Variants in CNNM2 observed in about 807,000 individuals in gnomAD.
CNNM2 encodes the protein cyclin and CBS domain divalent metal cation transport mediator 2.
CNNM2 carries 12 observed loss-of-function variants against 66.9 expected under a neutral mutation model. The ratio of observed to expected loss-of-function variants is 0.18; its 90% CI spans 0.11 to 0.29. CNNM2 has a LOEUF of 0.29. Among genes scored for constraint, CNNM2 ranks in the 10% least tolerant of loss-of-function variants. CNNM2 has a pLI of 1.00. For synonymous variants in CNNM2, 557 were observed against 501.8 expected (o/e 1.11, Z -1.47); for missense variants, 705 against 1,167.7 (o/e 0.60, Z 5.77).
chr10:102,994,732 G>A (rs1296419564), intron 1 of CNNM2, among the ~76,000 whole-genome samples: 2 of 152,220 alleles, frequency 1.3e-5, no homozygotes, highest in South Asian at 2.1e-4. Context: ...TCTGATACCC[G>A]TGACACTAGT....
chr10:103,065,005 C>G (rs1285757838), intron 4 of CNNM2, among the ~76,000 whole-genome samples: 1 of 152,182 alleles, frequency 6.6e-6, no homozygotes, highest in East Asian at 1.9e-4. Flanking sequence ...ATCCACCCCG[C>G]AGCAGTGAAT....
intron 2 of CNNM2, among the ~76,000 whole-genome samples, chr10:103,052,031 C>G (rs2065221465): frequency 6.6e-6 from 1 of 151,926 alleles, no homozygotes; most frequent in Admixed American, 6.6e-5. Context: ...AATCCCAGCA[C>G]TTTGGGAGGG....
rs539270022 is a variant in CNNM2, at chr10:103,014,021, G to A, written c.1622-35686G>A. 4.6e-5 allele frequency among the ~76,000 whole-genome samples: 7 copies of A among 152,256 alleles called. No homozygotes were observed. In the South Asian group the frequency reaches 1.4e-3, roughly 32 times the overall value. On this transcript the variant is annotated intron_variant, in intron 1 of 7. Coordinates refer to ENST00000369878, the MANE Select transcript of CNNM2 (RefSeq NM_017649.5). ...GAGTAAGTAAGAACCATTCCAAATT[G>A]TAAGAAACAGTATTTTCTGACTGTA...
chr10:102,994,347 A>G (rs906565320), intron 1 of CNNM2, among the ~76,000 whole-genome samples: 8 of 152,244 alleles, frequency 5.3e-5, no homozygotes, highest in African/African-American at 1.9e-4. Flanking sequence ...TTAAACACCA[A>G]CAAAATTGCC....
intron 2 of CNNM2, among the ~76,000 whole-genome samples, chr10:103,053,589 G>A (rs1016384726): frequency 1.3e-5 from 2 of 152,212 alleles, no homozygotes; most frequent in African/African-American, 4.8e-5. Context: ...TCAAATTGCA[G>A]TGTTCATAAA....
chr10:102,919,382 AC>A lies in CNNM2; in HGVS notation c.903del (p.Tyr301Ter). 1 of 1,612,216 alleles carries A rather than the reference AC, an allele frequency of 6.2e-7. No individual in the cohort carries two copies. The highest frequency in any genetic ancestry group is 8.5e-7 in the Non-Finnish European group (1 of 1,180,042). On this transcript the variant is annotated frameshift_variant, in exon 1 of 8. Transcript: ENST00000369878. LOFTEE classifies it high-confidence loss of function. ...QNCGTEKEKN[Y>X]AKRIEPVRRQ... ...TGCGGCACGGAGAAGGAGAAGAATTACGCCAAGCGCATCGAGCCGGTGCGCA... is the reference window on the plus strand; with the variant it reads ...TGCGGCACGGAGAAGGAGAAGAATTAGCCAAGCGCATCGAGCCGGTGCGCA...
chr10:102,998,464 A>G (rs1014853556), intron 1 of CNNM2, among the ~76,000 whole-genome samples: 3 of 152,366 alleles, frequency 2.0e-5, no homozygotes, highest in South Asian at 2.1e-4. Context: ...TCCTTCACGT[A>G]TATATGCGAA....
At chr10:102,995,841 C>G (rs535892332) in intron 1 of CNNM2, among the ~76,000 whole-genome samples, 31 of 152,010 alleles carry the variant, frequency 2.0e-4, no homozygotes, top group Admixed American at 7.9e-4. Context: ...GCCGGGAGTA[C>G]AGGCATGCAC....
rs2065789370 is a variant in CNNM2, at chr10:103,084,885, AAT to A, written c.*7706_*7707del. The A allele has an allele frequency of 5.3e-5, 8 of 152,180 alleles. No individual in the cohort carries two copies. Among genetic ancestry groups the A allele is most frequent in the Admixed American group, 5.2e-4 (8 of 15,280 alleles). 9.4% of individuals were successfully genotyped at this position (152,180 alleles called of 1,614,324 possible). Reference sequence around the variant, plus strand: ...AACTTATTTTATACTTTTTGAAGGTAATTTAAAAGAGATGATTCTTTATTAAA... The same window carrying A: ...AACTTATTTTATACTTTTTGAAGGTATTAAAAGAGATGATTCTTTATTAAA... On this transcript the variant is annotated 3_prime_UTR_variant, in exon 8 of 8. Coordinates refer to ENST00000369878, the MANE Select transcript of CNNM2 (RefSeq NM_017649.5).
chr10:102,946,681 G>A lies in CNNM2; in HGVS notation c.1621+26580G>A, dbSNP rs1413798930. The stretch of plus-strand genomic sequence containing the variant: ...GAAGTACATTAATAATTGAACACCC[G>A]TGAGGTGTTACTGCTTCTGTTCTGC... On this transcript the variant is annotated intron_variant, in intron 1 of 7. Transcript: ENST00000369878. Among the ~76,000 whole-genome samples, 7 of 152,152 alleles carry A rather than the reference G, an allele frequency of 4.6e-5. 1 individual carries two copies. Among genetic ancestry groups the A allele is most frequent in the Non-Finnish European group, 8.8e-5 (6 of 68,038 alleles).
intron 1 of CNNM2, among the ~76,000 whole-genome samples, chr10:103,005,603 C>T (rs374919699): frequency 5.9e-5 from 9 of 151,992 alleles, no homozygotes; most frequent in Admixed American, 1.3e-4. Context: ...GAGCTGAGAC[C>T]GCACCACTGC....
In CNNM2 at chr10:102,959,533, G is replaced by A. The variant is rs76892505; in HGVS notation, c.1621+39432G>A. Among the ~76,000 whole-genome samples, 11,630 of 152,240 alleles carry A rather than the reference G, an allele frequency of 0.076. 531 individuals carry two copies. The highest frequency in any genetic ancestry group is 0.17 in the Middle Eastern group (49 of 294). ...TTTGCTTAATAGCTGCATAACACCAGGAAAGTTACTTTAGCTTATCTGTAA... is the reference window on the plus strand; with the variant it reads ...TTTGCTTAATAGCTGCATAACACCAAGAAAGTTACTTTAGCTTATCTGTAA... On this transcript the variant is annotated intron_variant, in intron 1 of 7. Coordinates refer to ENST00000369878, the MANE Select transcript of CNNM2 (RefSeq NM_017649.5).
In CNNM2 at chr10:103,009,698, A is replaced by G. The variant is rs796836216; in HGVS notation, c.1622-40009A>G. Among the ~76,000 whole-genome samples the G allele has an allele frequency of 1.2e-3, 157 of 126,334 alleles. 1 individual carries two copies. Among genetic ancestry groups the G allele is most frequent in the African/African-American group, 4.3e-3 (149 of 34,828 alleles). 82.9% of individuals were successfully genotyped at this position (126,334 alleles called of 152,430 possible). A position where few individuals can be genotyped will look rare whatever the true frequency, so the allele number is the denominator to read the frequency against. On this transcript the variant is annotated intron_variant, in intron 1 of 7. Transcript: ENST00000369878. ...CCAAAAAAAAAAAAAAAAAAAAAAA[A>G]GTATATTGGGAGAATGGAGAACCAG... is the stretch of plus-strand genomic sequence containing the variant.
intron 6 of CNNM2, 41 bp downstream of exon 6, chr10:103,071,880 C>A: frequency 1.3e-6 from 2 of 1,572,258 alleles, no homozygotes; most frequent in Non-Finnish European, 1.8e-6. Flanking sequence ...TCCTGATTGC[C>A]TTCCTTGCCC....
chr10:102,957,867 T>G (rs1847104182), intron 1 of CNNM2, among the ~76,000 whole-genome samples: 1 of 152,224 alleles, frequency 6.6e-6, no homozygotes, highest in Admixed American at 6.5e-5. Flanking sequence ...CAATATAGAA[T>G]ATAGTACTAA....
chr10:102,922,935 C>T (rs1845707238), intron 1 of CNNM2, among the ~76,000 whole-genome samples: 2 of 126,104 alleles, frequency 1.6e-5, no homozygotes, highest in Admixed American at 1.6e-4. Flanking sequence ...AAGACCCTGT[C>T]TCAAAAAAAA....
intron 1 of CNNM2, among the ~76,000 whole-genome samples, chr10:102,943,171 G>T (rs1211559387): frequency 6.6e-6 from 1 of 152,110 alleles, no homozygotes; most frequent in Non-Finnish European, 1.5e-5. Context: ...GTTGCAGTGA[G>T]CTGAGATCGT....
intron 1 of CNNM2, among the ~76,000 whole-genome samples, chr10:102,992,812 TG>T (rs1264612237): frequency 2.6e-5 from 4 of 152,192 alleles, no homozygotes; most frequent in African/African-American, 9.6e-5. Context: ...GGATCTATGT[TG>T]GGCAAATCAA....
intron 1 of CNNM2, among the ~76,000 whole-genome samples, chr10:103,024,548 G>A (rs994506876): frequency 6.6e-6 from 1 of 151,456 alleles, no homozygotes; most frequent in Non-Finnish European, 1.5e-5. Flanking sequence ...GCGTGATCTC[G>A]GCTCACTGCA....
Sources: allele counts gnomAD v4.1 joint callset (sites outside exome capture counted in the v4.1 genomes callset), GRCh38; gene constraint gnomAD v4.1.1; transcripts MANE v1.5; gene names NCBI Gene and HGNC (gene_info 2026-07-23, HGNC 2026-07-21).